Variants in BABAM1 observed in about 807,000 individuals in gnomAD.
BABAM1 encodes the protein BRISC and BRCA1 A complex member 1, also known as BRISC and BRCA1-A complex member 1.
BABAM1 carries 14 observed loss-of-function variants against 34.4 expected under a neutral mutation model. The observed-to-expected ratio is 0.41, with a 90% CI of 0.27 to 0.64. The LOEUF (loss-of-function observed/expected upper bound fraction) is 0.64, where lower values mean the gene tolerates loss of function less well. BABAM1 is among the 30% of genes least tolerant of loss of function. BABAM1 has a pLI of 0.34. For missense variants in BABAM1, 393 were observed against 434.0 expected, an observed-to-expected ratio of 0.91 and a Z score of 0.84; for synonymous variants, 169 against 165.8, an observed-to-expected ratio of 1.02 and a Z score of -0.15.
chr19:17,273,569 T>TTTTTTTG (rs2073870895), intron 3 of BABAM1, among the ~76,000 whole-genome samples: 1 of 106,998 alleles, frequency 9.3e-6, no homozygotes, highest in East Asian at 2.1e-4. Context: ...GTTTTGTTTT[T>TTTTTTTG]TTTTTTTTTT....
At position 17,268,805 on chromosome 19, in the gene BABAM1, C is replaced by T. The variant is rs201373155; in HGVS notation, c.-2C>T. The T allele has an allele frequency of 8.1e-6, 13 of 1,598,590 alleles. No individual in the cohort carries two copies. The Admixed American group carries it at 1.2e-4, about 15-fold the overall frequency. On this transcript the variant is annotated 5_prime_UTR_variant, in exon 2 of 9. Coordinates refer to ENST00000598188, the MANE Select transcript of BABAM1 (RefSeq NM_014173.4). ...CGTGTTCCATCTAGCCACACAGGAG[C>T]CATGGAAGTGGCAGAGCCCAGCAGC...
chr19:17,277,772 G>A (rs140794110), intron 8 of BABAM1, among the ~76,000 whole-genome samples: 2,451 of 152,060 alleles, frequency 0.016, 67 homozygotes, highest in African/African-American at 0.056. Context: ...CCAGCTGCTC[G>A]GGAGGCTGAG....
At chr19:17,278,718 C>G in intron 8 of BABAM1, 127 bp from the exon 9 acceptor site, 1 of 857,690 alleles carries the variant, frequency 1.2e-6, no homozygotes, top group Non-Finnish European at 1.8e-6. Context: ...GCTTGGCAAA[C>G]TCCTCTTCAC....
chr19:17,273,545 G>GT (rs1186960091), intron 3 of BABAM1, among the ~76,000 whole-genome samples: 1,956 of 35,122 alleles, frequency 0.056, 71 homozygotes, highest in African/African-American at 0.19. Context: ...GCTGAAGGAA[G>GT]TTTTTTTTTG....
intron 3 of BABAM1, among the ~76,000 whole-genome samples, chr19:17,272,819 C>T (rs1244341603): frequency 1.3e-5 from 2 of 152,068 alleles, no homozygotes; most frequent in Non-Finnish European, 2.9e-5. Flanking sequence ...GAGTTCGAGA[C>T]CAGCCTGGCC....
intron 1 of BABAM1, among the ~76,000 whole-genome samples, chr19:17,268,053 G>GC (rs1366251594): frequency 1.3e-5 from 2 of 151,878 alleles, no homozygotes; most frequent in African/African-American, 4.8e-5. Flanking sequence ...GGCAAAAGGG[G>GC]CCCCTCACAG....
intron 8 of BABAM1, chr19:17,277,625 C>T (rs532411697): frequency 6.6e-6 from 1 of 152,270 alleles, no homozygotes; most frequent in African/African-American, 2.4e-5. Flanking sequence ...TGTGGGACCT[C>T]GAGTGGACTA....
chr19:17,270,088 G>A (rs969086135), intron 2 of BABAM1, among the ~76,000 whole-genome samples: 9 of 151,950 alleles, frequency 5.9e-5, no homozygotes, highest in East Asian at 1.9e-4. Flanking sequence ...CCGCTACTAC[G>A]CCTGGCTAAT....
In BABAM1 at chr19:17,269,049, G is replaced by A. The variant is rs1427548796; in HGVS notation, c.243G>A (p.Glu81=). The stretch of plus-strand genomic sequence containing the variant: ...GGCAGGTGCCCCCGCCAGCCCCTGA[G>A]GTCCAAATTCGGACACCAAGGGTCA... ...KSWQVPPPAP[E]VQIRTPRVNC... is the part of the protein sequence containing the mutation. The change falls in exon 2 of 9, where the codon GAG becomes GAA. Residue 81 remains glutamate (E), a synonymous_variant. Transcript: ENST00000598188. 1.9e-6 allele frequency: 3 copies of A among 1,605,022 alleles called. No homozygotes were observed. The East Asian group carries it at 6.7e-5, about 36-fold the overall frequency.
chr19:17,275,348 T>C (rs2073895880), intron 5 of BABAM1, among the ~76,000 whole-genome samples: 1 of 152,046 alleles, frequency 6.6e-6, no homozygotes, highest in African/African-American at 2.4e-5. Flanking sequence ...TGGAGTGCAG[T>C]GGCACGATCT....
rs1251949563 is a variant in BABAM1, at chr19:17,279,222, G to A, written c.*174G>A. 1 of 597,458 alleles carries A rather than the reference G, an allele frequency of 1.7e-6. No homozygotes were observed. The highest frequency in any genetic ancestry group is 1.9e-5 in the African/African-American group (1 of 54,000). The allele number at this position is 597,458 out of a possible 1,614,324, so 37.0% of individuals were successfully genotyped here. Reference sequence around the variant, plus strand: ...GATTCCAGGAGGGATCCCAGGAACTGTGGGCACCCATTTTCTGTGTCTCCC... The same window carrying A: ...GATTCCAGGAGGGATCCCAGGAACTATGGGCACCCATTTTCTGTGTCTCCC... On this transcript the variant is annotated 3_prime_UTR_variant, in exon 9 of 9. Transcript: ENST00000598188.
rs71334696 is a variant in BABAM1, at chr19:17,269,348, C to CTTT, written c.285+274_285+276dup. Among the ~76,000 whole-genome samples, 51 of 123,024 alleles carry CTTT rather than the reference C, an allele frequency of 4.1e-4. 1 individual carries two copies. Among genetic ancestry groups the CTTT allele is most frequent in the African/African-American group, 1.3e-3 (42 of 31,468 alleles). 80.7% of individuals were successfully genotyped at this position (123,024 alleles called of 152,430 possible). A position where few individuals can be genotyped will look rare whatever the true frequency, so the allele number is the denominator to read the frequency against. On this transcript the variant is annotated intron_variant, in intron 2 of 8. Transcript: ENST00000598188. ...TTTCTTGCCTCTTCATTTTGTCTGTCTTTTTTTTTTTTTTTTTTTGAGATG... is the reference window on the plus strand; with the variant it reads ...TTTCTTGCCTCTTCATTTTGTCTGTCTTTTTTTTTTTTTTTTTTTTTTGAGATG...
At chr19:17,277,474 T>A (rs2073924176) in intron 8 of BABAM1, 1 of 154,188 alleles carries the variant, frequency 6.5e-6, no homozygotes, top group Non-Finnish European at 1.4e-5. Flanking sequence ...AGCGCTGGGA[T>A]TACAGGTGTG....
In BABAM1 at chr19:17,279,146, G is replaced by C. The variant is rs369403447; in HGVS notation, c.*98G>C. 5.4e-6 allele frequency: 7 copies of C among 1,297,254 alleles called. No individual in the cohort carries two copies. In the East Asian group the frequency reaches 1.0e-4, roughly 19 times the overall value. 80.4% of individuals were successfully genotyped at this position (1,297,254 alleles called of 1,614,324 possible). Reference sequence around the variant, plus strand: ...TCCTTGGGACCTCCGGGGTGGGGGGGTTCCAGGAGGCACGTAGGGTACCTT... The same window carrying C: ...TCCTTGGGACCTCCGGGGTGGGGGGCTTCCAGGAGGCACGTAGGGTACCTT... On this transcript the variant is annotated 3_prime_UTR_variant, in exon 9 of 9. Coordinates refer to ENST00000598188, the MANE Select transcript of BABAM1 (RefSeq NM_014173.4).
chr19:17,275,029 C>T (rs964556580), intron 5 of BABAM1, among the ~76,000 whole-genome samples: 18 of 152,066 alleles, frequency 1.2e-4, no homozygotes, highest in Non-Finnish European at 2.4e-4. Context: ...CCTTAGCCTC[C>T]CAAGTAGCTG....
chr19:17,279,259 A>C lies in BABAM1; in HGVS notation c.*211A>C. On this transcript the variant is annotated 3_prime_UTR_variant, in exon 9 of 9. Coordinates refer to ENST00000598188, the MANE Select transcript of BABAM1 (RefSeq NM_014173.4). ...TTTCTGTGTCTCCCAGCCCATTTCCACTCCTAGTTTGTCATGGATAATTTT... is the reference window on the plus strand; with the variant it reads ...TTTCTGTGTCTCCCAGCCCATTTCCCCTCCTAGTTTGTCATGGATAATTTT... The C allele has an allele frequency of 4.1e-6, 2 of 491,042 alleles. No individual in the cohort carries two copies. Among genetic ancestry groups the C allele is most frequent in the Non-Finnish European group, 3.6e-6 (1 of 279,872 alleles). The allele number at this position is 491,042 out of a possible 1,614,324, so 30.4% of individuals were successfully genotyped here. A position where few individuals can be genotyped will look rare whatever the true frequency, so the allele number is the denominator to read the frequency against.
At chr19:17,271,571 C>T in intron 2 of BABAM1, 26 bp from the exon 3 acceptor site, 1 of 1,612,548 alleles carries the variant, frequency 6.2e-7, no homozygotes, top group Non-Finnish European at 8.5e-7. Flanking sequence ...TCAGAGGACG[C>T]TCACCACCCT....
rs754267863 is a variant in BABAM1, at chr19:17,268,866, G to A, written c.60G>A (p.Ser20=). The A allele has an allele frequency of 9.3e-6, 15 of 1,606,190 alleles. No homozygotes were observed. In the African/African-American group the frequency reaches 1.2e-4, roughly 13 times the overall value. ...TEEEEEEEEH[S]AEPRPRTRSN... ...AGGAGGAGGAGGAAGAGGAGCACTC[G>A]GCAGAGCCTCGGCCCCGCACTCGCT... is the stretch of plus-strand genomic sequence containing the variant. The change falls in exon 2 of 9, where the codon TCG becomes TCA. Residue 20 remains serine (S), a synonymous_variant. Coordinates refer to ENST00000598188, the MANE Select transcript of BABAM1 (RefSeq NM_014173.4).
intron 1 of BABAM1, 87 bp from the exon 2 acceptor site, chr19:17,268,707 G>A (rs1182107254): frequency 1.9e-5 from 26 of 1,386,594 alleles, no homozygotes; most frequent in Non-Finnish European, 2.5e-5. Context: ...GGGATTACAG[G>A]CATGAGCCAC....
Sources: gnomAD v4.1 joint callset for allele counts (sites outside exome capture counted in the v4.1 genomes callset) on GRCh38, gnomAD v4.1.1 for gene constraint, MANE v1.5 for transcripts, NCBI Gene and HGNC (gene_info 2026-07-23, HGNC 2026-07-21) for gene names.